PNPLA4: variants seen among roughly 807,000 people sequenced by gnomAD.
PNPLA4 encodes the protein patatin-like phospholipase domain-containing protein 4.
Under a neutral mutation model 18.3 loss-of-function variants are expected in PNPLA4, and 15 were observed. The observed-to-expected ratio is 0.82, with a 90% CI of 0.55 to 1.26. PNPLA4 has a LOEUF of 1.26. Ranked by LOEUF, PNPLA4 falls within the 50% of genes most tolerant of loss-of-function variation. The pLI is 0.00. For synonymous variants in PNPLA4, 88 were observed against 85.6 expected, an observed-to-expected ratio of 1.03 and a Z score of -0.16; for missense variants, 229 against 196.8, an observed-to-expected ratio of 1.16 and a Z score of -0.98.
Position 7,902,038 on chromosome X carries a change from T to C in PNPLA4, c.581A>G (p.Asp194Gly). ...AACATACAGATCTAGCTGCCCTTTG[T>C]CCTGCGGGGAGATGTCCAGTCGTCC... ...FSGRLDISPQDKGQLDLYVNI... is the reference protein window; with the variant it reads ...FSGRLDISPQGKGQLDLYVNI... The change falls in exon 6 of 7, where the codon GAC (aspartate) becomes GGC (glycine). Residue 194 changes from aspartate (D) to glycine (G), a missense_variant. Physicochemically the swap from Asp to Gly is moderately conservative, Grantham distance 94. Coordinates refer to ENST00000381042, the MANE Select transcript of PNPLA4 (RefSeq NM_004650.3). 1 of 1,209,403 alleles carries C rather than the reference T, an allele frequency of 8.3e-7. No homozygotes were observed.
intron 5 of PNPLA4, among the ~76,000 whole-genome samples, chrX:7,910,340 T>C (rs1251007284): frequency 9.0e-6 from 1 of 111,444 alleles, no homozygotes; most frequent in African/African-American, 3.3e-5. Context: ...CCAAAGGGTT[T>C]GTAAAACTCA....
chrX:7,923,968 G>A (rs903682647), intron 2 of PNPLA4, among the ~76,000 whole-genome samples: 3 of 111,523 alleles, frequency 2.7e-5, no homozygotes, highest in African/African-American at 6.5e-5. Flanking sequence ...AGAAATGGGG[G>A]TAGCCCCACC....
intron 4 of PNPLA4, among the ~76,000 whole-genome samples, chrX:7,921,469 A>G (rs1469166338): frequency 8.9e-6 from 1 of 111,911 alleles, no homozygotes; most frequent in Non-Finnish European, 1.9e-5. Flanking sequence ...GTGAGATCTG[A>G]ACATTGCAGG....
chrX:7,925,956 G>A lies in PNPLA4; in HGVS notation c.164C>T (p.Ala55Val). The change falls in exon 2 of 7, where the codon GCA becomes GTA. Residue 55 changes from alanine to valine, a missense_variant. Physicochemically the swap from Ala to Val is moderately conservative, Grantham distance 64. Coordinates refer to ENST00000381042, the MANE Select transcript of PNPLA4 (RefSeq NM_004650.3). ...GSLVASVLLT[A>V]PEKIEECNQF... ...CTTAATTACCTCTATTTTTTCTGGT[G>A]CTGTTAGCAGAACAGAAGCAACCAA... The A allele has an allele frequency of 8.3e-7, 1 of 1,208,197 alleles. No homozygotes were observed. The highest frequency in any genetic ancestry group is 1.1e-6 in the Non-Finnish European group (1 of 893,698).
chrX:7,903,272 G>GTATT (rs1923597608), intron 5 of PNPLA4, among the ~76,000 whole-genome samples: 2 of 80,499 alleles, frequency 2.5e-5, no homozygotes, highest in Non-Finnish European at 4.9e-5. Flanking sequence ...TGTCCTTCTT[G>GTATT]TGTTTATTTA....
chrX:7,901,720 G>A (rs1416532284), intron 6 of PNPLA4, among the ~76,000 whole-genome samples: 1 of 111,874 alleles, frequency 8.9e-6, no homozygotes, highest in Admixed American at 9.5e-5. Context: ...AGTGCTTTGG[G>A]AGGCCAAGGT....
At chrX:7,922,326 C>T (rs769688811) in intron 2 of PNPLA4, among the ~76,000 whole-genome samples, 1 of 112,181 alleles carries the variant, frequency 8.9e-6, no homozygotes, top group Non-Finnish European at 1.9e-5. Flanking sequence ...TTGTAAAGCA[C>T]CTTAAATGGC....
At chrX:7,926,355 C>G (rs1304003031) in intron 1 of PNPLA4, among the ~76,000 whole-genome samples, 1 of 112,267 alleles carries the variant, frequency 8.9e-6, no homozygotes, top group African/African-American at 3.2e-5. Context: ...CAAAACAAAA[C>G]AAAAACATTC....
chrX:7,922,838 C>G (rs748924441), intron 2 of PNPLA4, among the ~76,000 whole-genome samples: 18 of 111,882 alleles, frequency 1.6e-4, no homozygotes, highest in African/African-American at 5.8e-4. Flanking sequence ...AACTGGGCAC[C>G]AGGTACTTGG....
intron 5 of PNPLA4, among the ~76,000 whole-genome samples, chrX:7,903,593 C>T (rs988847736): frequency 3.4e-4 from 38 of 111,605 alleles, no homozygotes; most frequent in African/African-American, 1.1e-3. Flanking sequence ...GTCACTGCGC[C>T]TGGCCAATTG....
At chrX:7,904,803 T>C (rs1219855795) in intron 5 of PNPLA4, among the ~76,000 whole-genome samples, 1 of 112,004 alleles carries the variant, frequency 8.9e-6, no homozygotes, top group African/African-American at 3.2e-5. Context: ...GCTACTTCCA[T>C]GAGCTTCTGT....
intron 5 of PNPLA4, among the ~76,000 whole-genome samples, chrX:7,907,631 T>A (rs1368128993): frequency 5.3e-5 from 6 of 112,444 alleles, no homozygotes; most frequent in African/African-American, 1.9e-4. Flanking sequence ...TTAATGAGTA[T>A]GTACTATAAG....
intron 4 of PNPLA4, among the ~76,000 whole-genome samples, chrX:7,921,491 CA>C (rs1412074811): frequency 8.9e-6 from 1 of 111,894 alleles, no homozygotes; most frequent in Non-Finnish European, 1.9e-5. Context: ...AAACACTGAA[CA>C]AGTACAGGGA....
chrX:7,921,632 G>A lies in PNPLA4; in HGVS notation c.411+81C>T, dbSNP rs956173665. On this transcript the variant is annotated intron_variant, in intron 4 of 6. Coordinates refer to ENST00000381042, the MANE Select transcript of PNPLA4 (RefSeq NM_004650.3). Reference sequence around the variant, plus strand: ...GTAAGAGACACAGGATCTAAAGAACGTGGTAATGCTCATTACTTTATATGA... The same window carrying A: ...GTAAGAGACACAGGATCTAAAGAACATGGTAATGCTCATTACTTTATATGA... 2.5e-5 allele frequency: 21 copies of A among 847,580 alleles called. No individual in the cohort carries two copies. The Admixed American group carries it at 4.1e-4, about 17-fold the overall frequency. The allele number at this position is 847,580 out of a possible 1,213,427, so 69.9% of individuals were successfully genotyped here.
rs779270116 is a variant in PNPLA4 at position 7,902,097 on chromosome X, G to C, written c.522C>G (p.Pro174=). The C allele has an allele frequency of 1.7e-6, 2 of 1,208,005 alleles. No individual in the cohort carries two copies. Among genetic ancestry groups the C allele is most frequent in the Non-Finnish European group, 2.2e-6 (2 of 893,467 alleles). ...GGGAGATGGTTACTGTCCGGCCGAC[G>C]GGCAGGATGGGAAGAGCGTTGGTGA... The part of the protein sequence containing the change: ...GGLTNALPIL[P]VGRTVTISPF... The change falls in exon 6 of 7, where the codon CCC becomes CCG. Residue 174 remains proline, a synonymous_variant. Coordinates refer to ENST00000381042, the MANE Select transcript of PNPLA4 (RefSeq NM_004650.3).
At position 7,898,276 on chromosome X, in the gene PNPLA4, T is replaced by A. The variant is rs1432523624; in HGVS notation, c.*2410A>T. On this transcript the variant is annotated 3_prime_UTR_variant, in exon 7 of 7. Coordinates refer to ENST00000381042, the MANE Select transcript of PNPLA4 (RefSeq NM_004650.3). The stretch of plus-strand genomic sequence containing the variant: ...ACTAATGACATTTTTAATGACAGAT[T>A]CAAATATATAAGGAAATTGCCCCCA... The A allele has an allele frequency of 8.9e-6, 1 of 111,774 alleles. No homozygotes were observed. Among genetic ancestry groups the A allele is most frequent in the Non-Finnish European group, 1.9e-5 (1 of 53,154 alleles). The allele number at this position is 111,774 out of a possible 1,213,427, so 9.2% of individuals were successfully genotyped here.
intron 1 of PNPLA4, 58 bp downstream of exon 1, chrX:7,927,228 G>A (rs1924453704): frequency 8.8e-6 from 1 of 113,762 alleles, no homozygotes; most frequent in Non-Finnish European, 1.9e-5. Context: ...CAGGGCCGGG[G>A]TGGTCCCCGC....
intron 4 of PNPLA4, among the ~76,000 whole-genome samples, chrX:7,914,849 C>T (rs1489579217): frequency 9.0e-6 from 1 of 111,707 alleles, no homozygotes; most frequent in African/African-American, 3.3e-5. Flanking sequence ...TACTTTCCTA[C>T]AGATAATAAC....
chrX:7,921,253 G>A (rs1187996475), intron 4 of PNPLA4, among the ~76,000 whole-genome samples: 1 of 110,756 alleles, frequency 9.0e-6, no homozygotes, highest in Non-Finnish European at 1.9e-5. Flanking sequence ...CTAGGCAAAC[G>A]AGCGAGACTC....
Sources: gnomAD v4.1 joint callset for allele counts (sites outside exome capture counted in the v4.1 genomes callset) on GRCh38, gnomAD v4.1.1 for gene constraint, MANE v1.5 for transcripts, NCBI Gene and HGNC (gene_info 2026-07-23, HGNC 2026-07-21) for gene names.